Variants in ZHX2 observed in about 807,000 individuals in gnomAD.
ZHX2 encodes the protein zinc fingers and homeoboxes protein 2.
In ZHX2, 6 loss-of-function variants were observed where a neutral mutation model predicts 21.9. That is an observed-to-expected ratio of 0.27 (90% confidence interval 0.15 to 0.54). ZHX2 has a LOEUF of 0.54. Ranked by LOEUF, ZHX2 falls within the 20% of genes least tolerant of loss-of-function variation. The pLI is 0.95. For synonymous variants in ZHX2, 434 were observed against 437.1 expected (o/e 0.99, Z 0.09); for missense variants, 908 against 1,090.7 (o/e 0.83, Z 2.36).
At chr8:122,955,312 C>T (rs1029612477) in intron 3 of ZHX2, among the ~76,000 whole-genome samples, 3 of 152,082 alleles carry the variant, frequency 2.0e-5, no homozygotes, top group South Asian at 2.1e-4. Flanking sequence ...TAGGCTTCTC[C>T]AGAGGTCACT....
intron 1 of ZHX2, chr8:122,808,654 C>T (rs1483175097): frequency 6.6e-6 from 1 of 152,190 alleles, no homozygotes; most frequent in Admixed American, 6.5e-5. Flanking sequence ...ATATAGAGCA[C>T]TGGCTGTGGT....
At chr8:122,909,785 C>T (rs1291537062) in intron 2 of ZHX2, among the ~76,000 whole-genome samples, 2 of 152,170 alleles carry the variant, frequency 1.3e-5, no homozygotes, top group Non-Finnish European at 2.9e-5. Context: ...TGGCCTCTTC[C>T]GGAAGTCTTG....
intron 2 of ZHX2, among the ~76,000 whole-genome samples, chr8:122,868,904 A>G (rs1373554294): frequency 6.6e-6 from 1 of 152,198 alleles, no homozygotes; most frequent in African/African-American, 2.4e-5. Context: ...CGAAGCAGGG[A>G]GAGGGACCTG....
At chr8:122,887,888 C>T (rs1819883639) in intron 2 of ZHX2, among the ~76,000 whole-genome samples, 2 of 152,224 alleles carry the variant, frequency 1.3e-5, no homozygotes, top group Admixed American at 6.5e-5. Flanking sequence ...CCGCGCTTGC[C>T]GGCCAGGGCT....
At chr8:122,964,425 T>C (rs1813529559) in intron 3 of ZHX2, among the ~76,000 whole-genome samples, 1 of 152,180 alleles carries the variant, frequency 6.6e-6, no homozygotes, top group Admixed American at 6.5e-5. Context: ...TTTTCACTTT[T>C]TTTTAATGTG....
At chr8:122,804,251 G>A (rs1817780377) in intron 1 of ZHX2, among the ~76,000 whole-genome samples, 2 of 152,264 alleles carry the variant, frequency 1.3e-5, no homozygotes, top group South Asian at 4.2e-4. Flanking sequence ...TGGGACCACA[G>A]GCGTGCACCA....
intron 2 of ZHX2, among the ~76,000 whole-genome samples, chr8:122,940,886 C>T (rs1004907013): frequency 2.0e-5 from 3 of 152,074 alleles, no homozygotes; most frequent in Non-Finnish European, 2.9e-5. Context: ...GTTTCCTCAT[C>T]TGTAAAATGG....
chr8:122,945,423 A>C (rs1812945086), intron 2 of ZHX2, among the ~76,000 whole-genome samples: 1 of 120,916 alleles, frequency 8.3e-6, no homozygotes, highest in African/African-American at 3.4e-5. Flanking sequence ...CTTTTATATA[A>C]ACCCTGTCTC....
intron 2 of ZHX2, among the ~76,000 whole-genome samples, chr8:122,941,643 G>A (rs1812846074): frequency 1.3e-5 from 2 of 148,532 alleles, no homozygotes; most frequent in African/African-American, 5.1e-5. Flanking sequence ...AGCTTTGGCT[G>A]TTTGTAGTTT....
intron 1 of ZHX2, among the ~76,000 whole-genome samples, chr8:122,825,790 G>A (rs187571779): frequency 1.4e-4 from 21 of 152,074 alleles, no homozygotes; most frequent in Non-Finnish European, 2.4e-4. Context: ...TGAAATGGAG[G>A]GCTACAAAAA....
At chr8:122,901,661 T>C (rs1450057091) in intron 2 of ZHX2, among the ~76,000 whole-genome samples, 2 of 151,788 alleles carry the variant, frequency 1.3e-5, no homozygotes, top group Admixed American at 6.6e-5. Context: ...CCAATCCAGA[T>C]CTCTCAGCCT....
At chr8:122,972,178 G>A (rs1229065337) in intron 3 of ZHX2, among the ~76,000 whole-genome samples, 1 of 152,124 alleles carries the variant, frequency 6.6e-6, no homozygotes, top group South Asian at 2.1e-4. Flanking sequence ...CACTAGTCAT[G>A]TTGGATTAGA....
chr8:122,883,874 T>A (rs1034922112), intron 2 of ZHX2, among the ~76,000 whole-genome samples: 2 of 152,198 alleles, frequency 1.3e-5, no homozygotes, highest in Non-Finnish European at 2.9e-5. Context: ...TAAATTGAGG[T>A]AGCTGGCAGA....
At chr8:122,864,636 A>C (rs1481521180) in intron 2 of ZHX2, among the ~76,000 whole-genome samples, 1 of 149,908 alleles carries the variant, frequency 6.7e-6, no homozygotes, top group Non-Finnish European at 1.5e-5. Context: ...AGACTCACCC[A>C]CCCCCCCACT....
chr8:122,972,778 T>C (rs1813757938), intron 3 of ZHX2, among the ~76,000 whole-genome samples: 1 of 152,132 alleles, frequency 6.6e-6, no homozygotes. Context: ...ATCCCTGTTA[T>C]ACAGAAGCAA....
intron 1 of ZHX2, among the ~76,000 whole-genome samples, chr8:122,820,586 G>A (rs1665405700): frequency 6.6e-6 from 1 of 152,216 alleles, no homozygotes; most frequent in African/African-American, 2.4e-5. Flanking sequence ...TGTGCAGGAA[G>A]CTCAGCTGCT....
intron 1 of ZHX2, among the ~76,000 whole-genome samples, chr8:122,833,088 A>G (rs1331697332): frequency 6.6e-6 from 1 of 152,208 alleles, no homozygotes; most frequent in Non-Finnish European, 1.5e-5. Flanking sequence ...TTCCCACATA[A>G]AGGCAAAGAG....
At chr8:122,954,057 G>T (rs1484444192) in intron 3 of ZHX2, 29 bp downstream of exon 3, 5 of 1,537,224 alleles carry the variant, frequency 3.3e-6, no homozygotes, top group Non-Finnish European at 4.4e-6. Flanking sequence ...CCAGGCAGCA[G>T]GGGAGAACGC....
intron 2 of ZHX2, among the ~76,000 whole-genome samples, chr8:122,869,325 G>GTTT (rs11429003): frequency 1.4e-5 from 2 of 145,028 alleles, no homozygotes; most frequent in East Asian, 2.0e-4. Flanking sequence ...ATCCTTTTTT[G>GTTT]TTTTTTTTTT....
Sources: gnomAD v4.1 joint callset for allele counts (sites outside exome capture counted in the v4.1 genomes callset) on GRCh38, gnomAD v4.1.1 for gene constraint, MANE v1.5 for transcripts, NCBI Gene and HGNC (gene_info 2026-07-23, HGNC 2026-07-21) for gene names.